The following KALRN variants were observed in gnomAD, a reference collection of about 807,000 sequenced individuals.
KALRN encodes kalirin.
KALRN carries 70 observed loss-of-function variants against 353.7 expected under a neutral mutation model. The observed-to-expected ratio is 0.20, with a 90% CI of 0.16 to 0.24. The LOEUF is 0.24. Among genes scored for constraint, KALRN ranks in the 10% least tolerant of loss-of-function variants. The pLI is 1.00. For missense variants in KALRN, 2,791 were observed against 3,756.7 expected, an observed-to-expected ratio of 0.74 and a Z score of 6.72; for synonymous variants, 1,391 against 1,434.8, an observed-to-expected ratio of 0.97 and a Z score of 0.69.
At chr3:124,643,841 T>G (rs2082385995) in intron 37 of KALRN, among the ~76,000 whole-genome samples, 1 of 152,210 alleles carries the variant, frequency 6.6e-6, no homozygotes, top group Non-Finnish European at 1.5e-5. Flanking sequence ...TACCCATAGA[T>G]AGTAGAATGG....
Position 124,719,450 on chromosome 3 carries a change from C to A in KALRN, c.8941C>A (p.Arg2981=). Reference sequence around the variant, plus strand: ...CAATGTCAAGAGCTACATTGTCAACCGGGTGAACCAAGGGACGTAGCCATC... The same window carrying A: ...CAATGTCAAGAGCTACATTGTCAACAGGGTGAACCAAGGGACGTAGCCATC... The part of the protein sequence containing the change: ...IPNVKSYIVN[R]VNQGT Residue 2981 remains arginine, a synonymous_variant, in exon 60 of 60, where the codon CGG becomes AGG. Transcript: ENST00000682506. The surrounding 1 kb of genome is among the most constrained non-coding windows in gnomAD (Gnocchi z 5.3). 2 of 1,613,224 alleles carry A rather than the reference C, an allele frequency of 1.2e-6. No individual in the cohort carries two copies. Among genetic ancestry groups the A allele is most frequent in the Non-Finnish European group, 8.5e-7 (1 of 1,179,452 alleles).
chr3:124,178,157 C>A (rs2073042946), intron 1 of KALRN, among the ~76,000 whole-genome samples: 2 of 152,172 alleles, frequency 1.3e-5, no homozygotes, highest in Non-Finnish European at 2.9e-5. Flanking sequence ...GAACACTAAG[C>A]AAGTGCTAAA....
chr3:124,055,725 C>A (rs2041470583), intron 1 of KALRN, among the ~76,000 whole-genome samples: 2 of 152,166 alleles, frequency 1.3e-5, no homozygotes, highest in Admixed American at 6.5e-5. Flanking sequence ...GGCCCTAGAG[C>A]CATAGAACTC....
chr3:124,375,632 C>T (rs146465102), intron 10 of KALRN, among the ~76,000 whole-genome samples: 69 of 152,292 alleles, frequency 4.5e-4, no homozygotes, highest in African/African-American at 1.5e-3. Flanking sequence ...CAAATTATAC[C>T]TTGTAACTAG....
chr3:124,631,625 C>A (rs1441512536), intron 34 of KALRN, among the ~76,000 whole-genome samples: 7 of 152,200 alleles, frequency 4.6e-5, no homozygotes, highest in Non-Finnish European at 8.8e-5. Flanking sequence ...TCTAAACCAC[C>A]AACATCCCTC....
intron 7 of KALRN, among the ~76,000 whole-genome samples, chr3:124,329,210 T>G (rs1421288759): frequency 6.6e-6 from 1 of 152,250 alleles, no homozygotes; most frequent in Non-Finnish European, 1.5e-5. Context: ...ATTTGATGTC[T>G]GTCAAGATCT....
At chr3:124,549,010 A>T (rs553682261) in intron 33 of KALRN, among the ~76,000 whole-genome samples, 1 of 152,304 alleles carries the variant, frequency 6.6e-6, no homozygotes, top group South Asian at 2.1e-4. Flanking sequence ...TACTTATCTT[A>T]ATCTTTTTGA....
intron 33 of KALRN, among the ~76,000 whole-genome samples, chr3:124,555,545 G>T (rs2071135176): frequency 1.3e-5 from 2 of 151,898 alleles, no homozygotes; most frequent in Admixed American, 6.6e-5. Flanking sequence ...TGTTGTTTTT[G>T]TCAGGTTTAG....
chr3:124,643,611 AG>A (rs952038774), intron 37 of KALRN, among the ~76,000 whole-genome samples: 2 of 152,112 alleles, frequency 1.3e-5, no homozygotes, highest in African/African-American at 4.8e-5. Context: ...CCTCCTGAGT[AG>A]GTGGGACTAT....
At position 124,430,714 on chromosome 3, in the gene KALRN, G is replaced by C. The variant is rs752809322; in HGVS notation, c.2768G>C (p.Ser923Thr). The change falls in exon 16 of 60, where the codon AGC (serine) becomes ACC (threonine). Residue 923 changes from serine to threonine, a missense_variant. Transcript: ENST00000682506. ...SMLNASLVNA[S>T]SLSEAEQLQR... ...CTCAACGCCAGCCTGGTCAATGCCA[G>C]CTCTTTGTCGGAAGCAGAGCAGCTG... is the stretch of plus-strand genomic sequence containing the variant. The C allele has an allele frequency of 6.2e-7, 1 of 1,614,198 alleles. No homozygotes were observed.
rs534700541 is a variant in KALRN at position 124,475,276 on chromosome 3, G to T, written c.4101+544G>T. On this transcript the variant is annotated intron_variant, in intron 26 of 59. Transcript: ENST00000682506. ...TTTAATAGGGAAAAACAGATTTTTT[G>T]GGTATCCATCCCAATCTGACCCACA... 7.2e-4 allele frequency among the ~76,000 whole-genome samples: 109 copies of T among 152,158 alleles called. 1 individual carries two copies. The highest frequency in any genetic ancestry group is 7.2e-4 in the Non-Finnish European group (49 of 67,988).
chr3:124,123,490 A>C (rs2149615734), intron 1 of KALRN, among the ~76,000 whole-genome samples: 1 of 152,320 alleles, frequency 6.6e-6, no homozygotes, highest in South Asian at 2.1e-4. Flanking sequence ...AAAAGTTTGA[A>C]GCTAGCAGAG....
chr3:124,325,757 T>C (rs912120842), intron 6 of KALRN, among the ~76,000 whole-genome samples: 43 of 152,176 alleles, frequency 2.8e-4, no homozygotes, highest in African/African-American at 1.0e-3. Context: ...TGGCACAAAA[T>C]CTATGCTGGT....
intron 24 of KALRN, among the ~76,000 whole-genome samples, chr3:124,462,196 G>A (rs1444343369): frequency 6.6e-6 from 1 of 152,174 alleles, no homozygotes; most frequent in East Asian, 1.9e-4. Context: ...CAAGAAGTGT[G>A]TAAGGCACTT....
At chr3:124,181,620 AT>A (rs2073612950) in intron 1 of KALRN, among the ~76,000 whole-genome samples, 1 of 152,178 alleles carries the variant, frequency 6.6e-6, no homozygotes, top group South Asian at 2.1e-4. Context: ...CATGATTAGC[AT>A]TATTTTTGGC....
Position 124,129,607 on chromosome 3 carries a change from A to G in KALRN, c.73+95794A>G, listed in dbSNP as rs146232780. 3.9e-5 allele frequency among the ~76,000 whole-genome samples: 6 copies of G among 152,338 alleles called. No homozygotes were observed. In the East Asian group the frequency reaches 9.6e-4, roughly 24 times the overall value. On this transcript the variant is annotated intron_variant, in intron 1 of 59. Transcript: ENST00000682506. ...CAAGAGGCAAGGGAGAAGGAAGTTC[A>G]TGATGGGTGGAGGTTGGATAAAGGA...
At position 124,623,047 on chromosome 3, in the gene KALRN, G is replaced by A. The variant is rs146520412; in HGVS notation, c.5183-9373G>A. On this transcript the variant is annotated intron_variant, in intron 34 of 59. Transcript: ENST00000682506. ...ATTTCTGGTATATTCAGTTCCTACC[G>A]ATGTCTATACAGGTTTCTTTCTTTT... is the stretch of plus-strand genomic sequence containing the variant. Among the ~76,000 whole-genome samples, 474 of 152,018 alleles carry A rather than the reference G, an allele frequency of 3.1e-3. 1 individual carries two copies. The highest frequency in any genetic ancestry group is 0.011 in the African/African-American group (455 of 41,488).
chr3:124,183,662 G>A (rs2073887772), intron 1 of KALRN, among the ~76,000 whole-genome samples: 1 of 152,188 alleles, frequency 6.6e-6, no homozygotes, highest in African/African-American at 2.4e-5. Flanking sequence ...AGGCCAAAGG[G>A]AGGAGCATCA....
chr3:124,377,580 C>G (rs1427058541), intron 10 of KALRN, among the ~76,000 whole-genome samples: 1 of 152,068 alleles, frequency 6.6e-6, no homozygotes, highest in Non-Finnish European at 1.5e-5. Context: ...TGAGAGTGTT[C>G]AAATCTATAT....
Sources: allele counts gnomAD v4.1 joint callset (sites outside exome capture counted in the v4.1 genomes callset), GRCh38; gene constraint gnomAD v4.1.1; non-coding constraint Gnocchi (gnomAD v3.1); transcripts MANE v1.5; gene names NCBI Gene and HGNC (gene_info 2026-07-23, HGNC 2026-07-21).